Variants in BRINP3 observed in about 807,000 individuals in gnomAD.
BRINP3 encodes the protein BMP/retinoic acid-inducible neural-specific protein 3.
In BRINP3, 19 loss-of-function variants were observed where a neutral mutation model predicts 71.0. The ratio of observed to expected loss-of-function variants is 0.27; its 90% CI spans 0.19 to 0.39. The LOEUF is 0.39. Among genes scored for constraint, BRINP3 ranks in the 10% least tolerant of loss-of-function variants. The probability of loss-of-function intolerance (pLI) is 1.00; values close to 1 mark genes in which losing one functional copy is unlikely to be tolerated. For synonymous variants in BRINP3, 380 were observed against 337.7 expected, an observed-to-expected ratio of 1.13 and a Z score of -1.37; for missense variants, 959 against 940.8, an observed-to-expected ratio of 1.02 and a Z score of -0.25.
chr1:190,264,976 G>C lies in BRINP3; in HGVS notation c.507C>G (p.Ser169Arg), dbSNP rs372324138. The C allele has an allele frequency of 6.2e-7, 1 of 1,611,228 alleles. No individual in the cohort carries two copies. Among genetic ancestry groups the C allele is most frequent in the South Asian group, 1.1e-5 (1 of 90,572 alleles). The change falls in exon 4 of 8, where the codon AGC (serine) becomes AGG (arginine). Residue 169 changes from serine to arginine, a missense_variant. Ser to Arg is a moderately radical substitution (Grantham distance 110). Transcript: ENST00000367462. ...GTAGCGTCTCCAGAGTGACCGAAGA[G>C]CTATTGGTGGTGGAATCACTTCCTT... ...RAEGSDSTTN[S>R]SSVTLETLHQ...
At chr1:190,406,955 C>T (rs550063371) in intron 2 of BRINP3, among the ~76,000 whole-genome samples, 2 of 152,190 alleles carry the variant, frequency 1.3e-5, no homozygotes, top group South Asian at 4.2e-4. Context: ...TACAACTGAT[C>T]TTACGATATT....
At chr1:190,099,189 G>T (rs1271027316) in intron 7 of BRINP3, 55 bp from the exon 8 acceptor site, 12 of 1,500,068 alleles carry the variant, frequency 8.0e-6, no homozygotes, top group Admixed American at 2.0e-5. Flanking sequence ...TCTGTGTACT[G>T]CAGTAAACCG....
chr1:190,251,454 A>AGGGACACCTAC (rs1660133627), intron 4 of BRINP3, among the ~76,000 whole-genome samples: 1 of 151,982 alleles, frequency 6.6e-6, no homozygotes, highest in African/African-American at 2.4e-5. Flanking sequence ...ATCAATACGT[A>AGGGACACCTAC]GTGATATTGG....
chr1:190,163,038 T>C (rs1444881028), intron 6 of BRINP3, among the ~76,000 whole-genome samples: 2 of 152,066 alleles, frequency 1.3e-5, no homozygotes, highest in Admixed American at 6.6e-5. Flanking sequence ...ACATCTTCAG[T>C]ATCTGAAATT....
At chr1:190,292,777 T>C (rs1252095490) in intron 2 of BRINP3, among the ~76,000 whole-genome samples, 1 of 152,080 alleles carries the variant, frequency 6.6e-6, no homozygotes, top group African/African-American at 2.4e-5. Flanking sequence ...TCAGTATAGG[T>C]AAGTTGTATT....
intron 2 of BRINP3, among the ~76,000 whole-genome samples, chr1:190,301,001 G>C (rs927668606): frequency 5.3e-5 from 8 of 151,416 alleles, no homozygotes; most frequent in African/African-American, 1.5e-4. Flanking sequence ...GACATTCAAA[G>C]CAAAGGCAAA....
intron 6 of BRINP3, among the ~76,000 whole-genome samples, chr1:190,173,875 G>A (rs528368694): frequency 2.6e-5 from 4 of 152,180 alleles, no homozygotes; most frequent in African/African-American, 9.6e-5. Context: ...GAAAACATCT[G>A]GCTTCTCATA....
chr1:190,434,568 T>C (rs1458724071), intron 2 of BRINP3, among the ~76,000 whole-genome samples: 2 of 151,918 alleles, frequency 1.3e-5, no homozygotes, highest in African/African-American at 4.8e-5. Context: ...CTATAGACAT[T>C]AAAGCTGAGA....
chr1:190,456,109 T>C (rs1361232615), intron 1 of BRINP3, among the ~76,000 whole-genome samples: 1 of 152,214 alleles, frequency 6.6e-6, no homozygotes, highest in African/African-American at 2.4e-5. Flanking sequence ...TCAGTAATAG[T>C]AGCTACCATA....
At chr1:190,403,528 C>G (rs1214067005) in intron 2 of BRINP3, among the ~76,000 whole-genome samples, 5 of 152,074 alleles carry the variant, frequency 3.3e-5, no homozygotes, top group African/African-American at 1.2e-4. Context: ...GATATGGAAG[C>G]CAAATGGTTT....
chr1:190,440,871 G>T (rs1674770714), intron 2 of BRINP3, among the ~76,000 whole-genome samples: 4 of 151,840 alleles, frequency 2.6e-5, no homozygotes. Flanking sequence ...CATTTGCAAA[G>T]TACTGATGAG....
chr1:190,166,897 A>G (rs1651596576), intron 6 of BRINP3, among the ~76,000 whole-genome samples: 1 of 151,704 alleles, frequency 6.6e-6, no homozygotes, highest in Non-Finnish European at 1.5e-5. Context: ...CTAGTTTTTT[A>G]TATTTTTAGT....
intron 2 of BRINP3, among the ~76,000 whole-genome samples, chr1:190,291,705 G>A (rs904308713): frequency 1.2e-4 from 18 of 152,256 alleles, no homozygotes; most frequent in African/African-American, 4.3e-4. Flanking sequence ...CACAGTTGGT[G>A]AGAACGTAAA....
intron 6 of BRINP3, among the ~76,000 whole-genome samples, chr1:190,181,411 A>G (rs951228010): frequency 2.0e-5 from 3 of 151,930 alleles, no homozygotes; most frequent in African/African-American, 7.2e-5. Context: ...TTAAGGCTTG[A>G]GTCTGCCATT....
At chr1:190,396,438 G>A (rs1358992939) in intron 2 of BRINP3, among the ~76,000 whole-genome samples, 2 of 151,040 alleles carry the variant, frequency 1.3e-5, no homozygotes, top group Non-Finnish European at 3.0e-5. Context: ...ATCTTGACCA[G>A]CCAGAGTAGG....
At chr1:190,265,795 G>A (rs1470821203) in intron 3 of BRINP3, among the ~76,000 whole-genome samples, 2 of 151,964 alleles carry the variant, frequency 1.3e-5, no homozygotes, top group African/African-American at 4.8e-5. Flanking sequence ...ATATCCAAAT[G>A]GAAATATGAC....
intron 2 of BRINP3, among the ~76,000 whole-genome samples, chr1:190,354,420 A>G (rs917616846): frequency 6.6e-6 from 1 of 151,964 alleles, no homozygotes; most frequent in East Asian, 1.9e-4. Flanking sequence ...GTTTCAGGAA[A>G]GAATGGTATC....
At chr1:190,165,460 T>TTGTGTG (rs1222112915) in intron 6 of BRINP3, among the ~76,000 whole-genome samples, 23 of 95,224 alleles carry the variant, frequency 2.4e-4, no homozygotes, top group African/African-American at 5.8e-4. Context: ...TTTTTTTTTT[T>TTGTGTG]TGTGTGTGTG....
chr1:190,153,229 A>G (rs1401823872), intron 7 of BRINP3, among the ~76,000 whole-genome samples: 1 of 152,156 alleles, frequency 6.6e-6, no homozygotes, highest in Non-Finnish European at 1.5e-5. Flanking sequence ...GACAACTAAG[A>G]CATTCTTTCT....
Sources: allele counts gnomAD v4.1 joint callset (sites outside exome capture counted in the v4.1 genomes callset), GRCh38; gene constraint gnomAD v4.1.1; transcripts MANE v1.5; gene names NCBI Gene and HGNC (gene_info 2026-07-23, HGNC 2026-07-21).